The following SEPTIN11 variants were observed in gnomAD, a reference collection of about 807,000 sequenced individuals.
SEPTIN11 encodes septin-11.
SEPTIN11 carries 25 observed loss-of-function variants against 51.4 expected under a neutral mutation model. That is an observed-to-expected ratio of 0.49 (90% CI 0.35 to 0.68). The LOEUF is 0.68. SEPTIN11 is among the 30% of genes least tolerant of loss of function. SEPTIN11 has a pLI of 0.00. For missense variants in SEPTIN11, 381 were observed against 520.8 expected, an observed-to-expected ratio of 0.73 and a Z score of 2.61; for synonymous variants, 174 against 184.1, an observed-to-expected ratio of 0.95 and a Z score of 0.44.
At chr4:77,039,299 A>C, downstream of SEPTIN11, 1 of 1,097,434 alleles carries the variant, frequency 9.1e-7, no homozygotes, top group Non-Finnish European at 1.1e-6. Flanking sequence ...TACCAAAAAT[A>C]GTCATATTCA....
rs540734870 is a variant in SEPTIN11, at chr4:77,024,036, G to A, written c.953+3366G>A. Among the ~76,000 whole-genome samples the A allele has an allele frequency of 1.3e-5, 2 of 152,234 alleles. No individual in the cohort carries two copies. Among genetic ancestry groups the A allele is most frequent in the African/African-American group, 4.8e-5 (2 of 41,540 alleles). On this transcript the variant is annotated intron_variant, in intron 7 of 9. Coordinates refer to ENST00000264893, the MANE Select transcript of SEPTIN11 (RefSeq NM_018243.4). The surrounding 1 kb of genome is among the most constrained non-coding windows in gnomAD (Gnocchi z 4.2). ...CACCCTCGTTCACCTTTTGTCCTCT[G>A]GGCCCCACTTGTGTTTACAGTACAT...
intron 1 of SEPTIN11, among the ~76,000 whole-genome samples, chr4:76,967,377 G>A (rs943497054): frequency 1.2e-4 from 19 of 152,196 alleles, no homozygotes; most frequent in Non-Finnish European, 2.1e-4. Context: ...GGAGGCAAAT[G>A]TGTAAGCCAT....
intron 5 of SEPTIN11, among the ~76,000 whole-genome samples, chr4:77,017,448 T>C (rs1725382199): frequency 6.6e-6 from 1 of 152,192 alleles, no homozygotes; most frequent in Admixed American, 6.5e-5. Flanking sequence ...TCCTTGGTCA[T>C]TACACCAAAA....
intron 2 of SEPTIN11, among the ~76,000 whole-genome samples, chr4:77,000,789 C>T (rs1166039762): frequency 1.3e-5 from 2 of 152,166 alleles, no homozygotes; most frequent in African/African-American, 2.4e-5. Flanking sequence ...AGGTGCCACA[C>T]GCTGGCTCAT....
At chr4:77,018,161 T>C (rs901696714) in intron 5 of SEPTIN11, among the ~76,000 whole-genome samples, 5 of 152,008 alleles carry the variant, frequency 3.3e-5, no homozygotes, top group South Asian at 2.1e-4. Flanking sequence ...TATTTTAGGC[T>C]GGGCACGGTG....
chr4:77,029,264 C>A (rs72860205), intron 8 of SEPTIN11, among the ~76,000 whole-genome samples: 2,839 of 152,224 alleles, frequency 0.019, 63 homozygotes, highest in South Asian at 0.063. Flanking sequence ...TAGTCCCCTC[C>A]CCTGGCCAGA....
At chr4:77,025,626 T>C (rs1402190914) in intron 7 of SEPTIN11, among the ~76,000 whole-genome samples, 2 of 152,070 alleles carry the variant, frequency 1.3e-5, no homozygotes, top group Non-Finnish European at 2.9e-5. Context: ...CTTCAATGAC[T>C]GGAAATATTA....
intron 3 of SEPTIN11, among the ~76,000 whole-genome samples, chr4:77,006,612 G>A (rs180808385): frequency 1.3e-5 from 2 of 152,336 alleles, no homozygotes; most frequent in Admixed American, 6.5e-5. Flanking sequence ...TCTTTGAGCA[G>A]TTACAACATT....
At position 77,034,520 on chromosome 4, in the gene SEPTIN11, C is replaced by G. The variant is rs369427427; in HGVS notation, c.*8C>G. The stretch of plus-strand genomic sequence containing the variant: ...AGTGCAAGCTTCACATAAAGCCTGG[C>G]AAGCCAAGGATGTTCCCGCATTCAC... On this transcript the variant is annotated 3_prime_UTR_variant, in exon 10 of 10. Coordinates refer to ENST00000264893, the MANE Select transcript of SEPTIN11 (RefSeq NM_018243.4). 4 of 1,568,384 alleles carry G rather than the reference C, an allele frequency of 2.6e-6. No homozygotes were observed. The highest frequency in any genetic ancestry group is 3.4e-6 in the Non-Finnish European group (4 of 1,160,886).
At chr4:77,011,211 TG>T (rs1724838195) in intron 3 of SEPTIN11, among the ~76,000 whole-genome samples, 1 of 152,066 alleles carries the variant, frequency 6.6e-6, no homozygotes, top group Non-Finnish European at 1.5e-5. Context: ...TAGGTGGTGG[TG>T]TCATATCCTG....
At chr4:76,956,165 T>C (rs1721548006) in intron 1 of SEPTIN11, among the ~76,000 whole-genome samples, 1 of 152,218 alleles carries the variant, frequency 6.6e-6, no homozygotes, top group South Asian at 2.1e-4. Context: ...TCTGACCTGC[T>C]GTTGGAGGGC....
At chr4:77,012,906 C>G (rs62302328) in intron 4 of SEPTIN11, among the ~76,000 whole-genome samples, 11,972 of 152,264 alleles carry the variant, frequency 0.079, 604 homozygotes, top group Non-Finnish European at 0.11. Flanking sequence ...CTAGAGTACT[C>G]TTCGCAGAAT....
downstream of SEPTIN11, chr4:77,039,875 T>A: frequency 2.6e-6 from 1 of 387,888 alleles, no homozygotes; most frequent in Non-Finnish European, 3.5e-6. Flanking sequence ...GGACTATGTT[T>A]TGGGGGAGAA....
chr4:76,993,657 A>C (rs872563), intron 1 of SEPTIN11, among the ~76,000 whole-genome samples: 76 of 151,854 alleles, frequency 5.0e-4, no homozygotes, highest in Non-Finnish European at 9.3e-4. Context: ...TTCCCCCATC[A>C]CATACTGATG....
At chr4:77,003,318 A>G (rs1280874621) in intron 2 of SEPTIN11, among the ~76,000 whole-genome samples, 1 of 152,168 alleles carries the variant, frequency 6.6e-6, no homozygotes, top group African/African-American at 2.4e-5. Context: ...GATGTAAAGG[A>G]TGGTCTTGCT....
intron 7 of SEPTIN11, among the ~76,000 whole-genome samples, chr4:77,023,940 A>G (rs1177508746): frequency 2.0e-5 from 3 of 152,148 alleles, no homozygotes; most frequent in Non-Finnish European, 4.4e-5. Context: ...CAAGGGCTTA[A>G]GGTTTTATTA....
intron 1 of SEPTIN11, among the ~76,000 whole-genome samples, chr4:76,955,790 G>A (rs1721534637): frequency 6.6e-6 from 1 of 152,144 alleles, no homozygotes; most frequent in Non-Finnish European, 1.5e-5. Context: ...AGAGTCCAGT[G>A]ACAACATATG....
intron 1 of SEPTIN11, among the ~76,000 whole-genome samples, chr4:76,953,977 A>G (rs1721454801): frequency 6.6e-6 from 1 of 152,218 alleles, no homozygotes. Context: ...ACTGCCACCT[A>G]GAAACCAAAC....
chr4:77,028,569 A>C, intron 7 of SEPTIN11, 60 bp from the exon 8 acceptor site: 6 of 1,480,894 alleles, frequency 4.1e-6, no homozygotes, highest in Non-Finnish European at 5.4e-6. Context: ...AATTATGTGA[A>C]CTGAAATTTC....
Sources: allele counts gnomAD v4.1 joint callset (sites outside exome capture counted in the v4.1 genomes callset), GRCh38; gene constraint gnomAD v4.1.1; non-coding constraint Gnocchi (gnomAD v3.1); transcripts MANE v1.5; gene names NCBI Gene and HGNC (gene_info 2026-07-23, HGNC 2026-07-21).